Variants in TMEFF1 observed in about 807,000 individuals in gnomAD.
TMEFF1 encodes the protein transmembrane protein with EGF like and two follistatin like domains 1, also known as tomoregulin-1.
TMEFF1 carries 20 observed loss-of-function variants against 47.5 expected under a neutral mutation model. The ratio of observed to expected loss-of-function variants is 0.42; its 90% CI spans 0.30 to 0.61. TMEFF1 has a LOEUF of 0.61. Ranked by LOEUF, TMEFF1 falls within the 20% of genes least tolerant of loss-of-function variation. TMEFF1 has a pLI of 0.19. For missense variants in TMEFF1, 411 were observed against 471.1 expected (o/e 0.87, Z 1.18); for synonymous variants, 162 against 166.3 (o/e 0.97, Z 0.20).
chr9:100,533,433 TTTTA>T (rs1564020688), intron 5 of TMEFF1, among the ~76,000 whole-genome samples: 1 of 152,140 alleles, frequency 6.6e-6, no homozygotes, highest in African/African-American at 2.4e-5. Flanking sequence ...TACAATAACC[TTTTA>T]TTATCTTTTA....
rs778133947 is a variant in TMEFF1, at chr9:100,480,444, GA to G, written c.196+6707del. ...TATGAATACAAAAAGTTGTTTTTAT[GA>G]AATGCTTTGAAAAGACTTGATAAAG... On this transcript the variant is annotated intron_variant, in intron 1 of 9. Coordinates refer to ENST00000374879, the MANE Select transcript of TMEFF1 (RefSeq NM_003692.5). 2.6e-5 allele frequency among the ~76,000 whole-genome samples: 4 copies of G among 152,136 alleles called. No homozygotes were observed. In the East Asian group the frequency reaches 7.7e-4, roughly 29 times the overall value.
At chr9:100,476,543 C>T (rs1353977679) in intron 1 of TMEFF1, among the ~76,000 whole-genome samples, 1 of 151,960 alleles carries the variant, frequency 6.6e-6, no homozygotes, top group Non-Finnish European at 1.5e-5. Context: ...TACAGGCGCC[C>T]ACCACCATGC....
intron 2 of TMEFF1, among the ~76,000 whole-genome samples, chr9:100,503,760 GAGA>G (rs1157766096): frequency 2.0e-5 from 3 of 152,144 alleles, no homozygotes; most frequent in African/African-American, 7.2e-5. Flanking sequence ...AGCAAAAGGA[GAGA>G]AGAATTCTAT....
chr9:100,547,942 T>C (rs1838765934), intron 6 of TMEFF1, 50 bp downstream of exon 6: 1 of 1,426,392 alleles, frequency 7.0e-7, no homozygotes, highest in African/African-American at 1.5e-5. Context: ...ATTGTATAAA[T>C]GTAATCTTAT....
intron 5 of TMEFF1, among the ~76,000 whole-genome samples, chr9:100,541,348 A>AT (rs34971752): frequency 2.5e-3 from 272 of 106,746 alleles, no homozygotes; most frequent in African/African-American, 6.0e-3. Context: ...TGGCAATTTC[A>AT]TTTTTTTTTT....
At chr9:100,567,222 T>C (rs1055266114) in intron 8 of TMEFF1, among the ~76,000 whole-genome samples, 49 of 152,322 alleles carry the variant, frequency 3.2e-4, no homozygotes, top group African/African-American at 1.1e-3. Flanking sequence ...GCTCCCACTT[T>C]AGGGGACTTG....
intron 1 of TMEFF1, among the ~76,000 whole-genome samples, chr9:100,490,798 G>C (rs1335083326): frequency 6.7e-6 from 1 of 149,274 alleles, no homozygotes; most frequent in Non-Finnish European, 1.5e-5. Flanking sequence ...TACTGTTACC[G>C]GTTTTGTTTA....
chr9:100,576,847 C>A lies in TMEFF1; in HGVS notation c.*247C>A. 1 of 338,392 alleles carries A rather than the reference C, an allele frequency of 3.0e-6. No individual in the cohort carries two copies. Among genetic ancestry groups the A allele is most frequent in the Non-Finnish European group, 5.3e-6 (1 of 189,040 alleles). 21.0% of individuals were successfully genotyped at this position (338,392 alleles called of 1,614,324 possible). Reference sequence around the variant, plus strand: ...TGGTAATTCTAAGACTTGTTCTTTACCCATGGAATGTAATATTTTTGCAAA... The same window carrying A: ...TGGTAATTCTAAGACTTGTTCTTTAACCATGGAATGTAATATTTTTGCAAA... On this transcript the variant is annotated 3_prime_UTR_variant, in exon 10 of 10. Coordinates refer to ENST00000374879, the MANE Select transcript of TMEFF1 (RefSeq NM_003692.5).
chr9:100,510,636 AT>A lies in TMEFF1; in HGVS notation c.436+1512del, dbSNP rs897127807. Among the ~76,000 whole-genome samples the A allele has an allele frequency of 4.2e-3, 622 of 147,628 alleles. 5 individuals carry two copies. Among genetic ancestry groups the A allele is most frequent in the African/African-American group, 0.014 (581 of 40,346 alleles). ...AGACACATGCCAACATGCCAGGTTC[AT>A]TTTTTTTTTGTATTTTTTGTAGGGA... On this transcript the variant is annotated intron_variant, in intron 3 of 9. Coordinates refer to ENST00000374879, the MANE Select transcript of TMEFF1 (RefSeq NM_003692.5).
intron 5 of TMEFF1, among the ~76,000 whole-genome samples, chr9:100,543,368 A>G (rs527385775): frequency 4.6e-5 from 7 of 151,960 alleles, no homozygotes; most frequent in Non-Finnish European, 8.8e-5. Flanking sequence ...CATTTCTTAT[A>G]TCTAGTAATA....
chr9:100,513,437 T>G, intron 4 of TMEFF1, 104 bp downstream of exon 4: 2 of 1,365,882 alleles, frequency 1.5e-6, no homozygotes, highest in Non-Finnish European at 2.0e-6. Context: ...ATAATTCACA[T>G]ACCATATAAT....
chr9:100,541,347 C>CGT lies in TMEFF1; in HGVS notation c.561-6397_561-6396insGT, dbSNP rs748303966. 2.1e-3 allele frequency among the ~76,000 whole-genome samples: 277 copies of CGT among 131,460 alleles called. 2 individuals are homozygous for CGT. Among genetic ancestry groups the CGT allele is most frequent in the African/African-American group, 7.3e-3 (259 of 35,562 alleles). 86.2% of individuals were successfully genotyped at this position (131,460 alleles called of 152,430 possible). A position where few individuals can be genotyped will look rare whatever the true frequency, so the allele number is the denominator to read the frequency against. ...CCTATCATGGTGGATTTGGCAATTTCATTTTTTTTTTTTTTCTTTCTTTCT... is the reference window on the plus strand; with the variant it reads ...CCTATCATGGTGGATTTGGCAATTTCGTATTTTTTTTTTTTTTCTTTCTTTCT... On this transcript the variant is annotated intron_variant, in intron 5 of 9. Coordinates refer to ENST00000374879, the MANE Select transcript of TMEFF1 (RefSeq NM_003692.5).
chr9:100,519,236 C>T (rs1224512660), intron 5 of TMEFF1, among the ~76,000 whole-genome samples: 3 of 151,964 alleles, frequency 2.0e-5, no homozygotes, highest in South Asian at 2.1e-4. Flanking sequence ...GATGAAAACC[C>T]GTCTCTAATA....
intron 1 of TMEFF1, among the ~76,000 whole-genome samples, chr9:100,477,620 CTTT>C (rs869245620): frequency 3.7e-5 from 4 of 106,740 alleles, no homozygotes; most frequent in African/African-American, 1.2e-4. Context: ...TGCATTCCGC[CTTT>C]TTTTTTTTTT....
At chr9:100,494,156 G>A (rs1264781860) in intron 1 of TMEFF1, among the ~76,000 whole-genome samples, 2 of 147,876 alleles carry the variant, frequency 1.4e-5, no homozygotes, top group South Asian at 2.1e-4. Context: ...GCAGTGAGCC[G>A]TGTTCACACC....
chr9:100,486,275 T>C (rs1837446610), intron 1 of TMEFF1, among the ~76,000 whole-genome samples: 4 of 152,216 alleles, frequency 2.6e-5, no homozygotes, highest in African/African-American at 7.2e-5. Flanking sequence ...TGAGTTTTGC[T>C]CTTTTTGCCC....
intron 5 of TMEFF1, among the ~76,000 whole-genome samples, chr9:100,520,518 G>A (rs1031760195): frequency 3.3e-5 from 5 of 152,184 alleles, no homozygotes; most frequent in East Asian, 1.9e-4. Flanking sequence ...AAGTGATACC[G>A]TGTAAGTTAA....
At chr9:100,546,745 T>C (rs1020973641) in intron 5 of TMEFF1, among the ~76,000 whole-genome samples, 5 of 152,220 alleles carry the variant, frequency 3.3e-5, no homozygotes, top group South Asian at 2.1e-4. Flanking sequence ...TCAGGAAGGT[T>C]AGTAAAGGTT....
intron 5 of TMEFF1, among the ~76,000 whole-genome samples, chr9:100,539,548 G>A (rs879456471): frequency 7.2e-5 from 11 of 152,152 alleles, no homozygotes; most frequent in Non-Finnish European, 1.3e-4. Flanking sequence ...TAAAGGCAGC[G>A]CGTCTGGAGT....
Sources: allele counts gnomAD v4.1 joint callset (sites outside exome capture counted in the v4.1 genomes callset), GRCh38; gene constraint gnomAD v4.1.1; transcripts MANE v1.5; gene names NCBI Gene and HGNC (gene_info 2026-07-23, HGNC 2026-07-21).